RORA: variants seen among roughly 807,000 people sequenced by gnomAD.
RORA encodes the protein nuclear receptor ROR-alpha.
In RORA, 7 loss-of-function variants were observed where a neutral mutation model predicts 69.5. That is an observed-to-expected ratio of 0.10 (90% CI 0.06 to 0.19). The LOEUF is 0.19. Among genes scored for constraint, RORA ranks in the 10% least tolerant of loss-of-function variants. The pLI, the probability that RORA is intolerant of heterozygous loss-of-function variation, is 1.00. For synonymous variants in RORA, 261 were observed against 240.8 expected (o/e 1.08, Z -0.78); for missense variants, 457 against 663.0 (o/e 0.69, Z 3.41).
At chr15:61,164,279 C>T (rs1215383751) in intron 1 of RORA, among the ~76,000 whole-genome samples, 2 of 152,200 alleles carry the variant, frequency 1.3e-5, no homozygotes, top group Non-Finnish European at 2.9e-5. Flanking sequence ...TGTCCAAACC[C>T]ATAAATTACC....
At chr15:60,865,268 T>G (rs1311865721) in intron 1 of RORA, among the ~76,000 whole-genome samples, 1 of 152,194 alleles carries the variant, frequency 6.6e-6, no homozygotes, top group African/African-American at 2.4e-5. Context: ...CACACCTGTT[T>G]CCTCATCTAT....
At chr15:60,742,744 C>T (rs902162783) in intron 1 of RORA, among the ~76,000 whole-genome samples, 5 of 152,154 alleles carry the variant, frequency 3.3e-5, no homozygotes, top group African/African-American at 1.2e-4. Flanking sequence ...TCTTTCTGTG[C>T]CTAGCTCATT....
intron 1 of RORA, among the ~76,000 whole-genome samples, chr15:60,927,491 G>A (rs983318706): frequency 2.0e-5 from 3 of 152,134 alleles, no homozygotes; most frequent in Admixed American, 6.5e-5. Context: ...CCTGAAAACC[G>A]TCTGACTGTG....
chr15:60,668,737 T>G (rs758682192), intron 2 of RORA, among the ~76,000 whole-genome samples: 20 of 152,296 alleles, frequency 1.3e-4, no homozygotes, highest in Middle Eastern at 3.4e-3. Flanking sequence ...GAAAGAGAGA[T>G]AAATTAACTC....
intron 1 of RORA, among the ~76,000 whole-genome samples, chr15:60,873,991 AT>A (rs960376446): frequency 1.3e-5 from 2 of 152,098 alleles, no homozygotes; most frequent in East Asian, 1.9e-4. Flanking sequence ...CAAATAACCT[AT>A]TTTTTTCAAT....
intron 1 of RORA, among the ~76,000 whole-genome samples, chr15:60,754,427 G>T (rs2071768328): frequency 6.6e-6 from 1 of 152,130 alleles, no homozygotes; most frequent in Non-Finnish European, 1.5e-5. Flanking sequence ...GCTAATTCCA[G>T]CTGTACTGTA....
chr15:60,678,591 C>G, intron 2 of RORA, 66 bp downstream of exon 2: 1 of 1,185,702 alleles, frequency 8.4e-7, no homozygotes, highest in South Asian at 1.2e-5. Flanking sequence ...AGGGTCACAG[C>G]AGCCAGACAT....
intron 2 of RORA, among the ~76,000 whole-genome samples, chr15:60,612,027 A>G (rs1160823254): frequency 6.6e-6 from 1 of 152,184 alleles, no homozygotes; most frequent in African/African-American, 2.4e-5. Context: ...CAGGGCTTCT[A>G]TCGGCTCTTT....
rs1274228958 is a variant in RORA, at chr15:61,061,879, A to C, written c.166+167174T>G. Among the ~76,000 whole-genome samples, 2 of 152,166 alleles carry C rather than the reference A, an allele frequency of 1.3e-5. No individual in the cohort carries two copies. Among genetic ancestry groups the C allele is most frequent in the Non-Finnish European group, 2.9e-5 (2 of 68,024 alleles). On this transcript the variant is annotated intron_variant, in intron 1 of 10. Transcript: ENST00000335670. The surrounding 1 kb of genome is among the most constrained non-coding windows in gnomAD (Gnocchi z 4.4). ...GGAGTTCGAGACCAGCCTGGCCAAC[A>C]TGGTGAAACCCCATCTCAACTAAAA... is the stretch of plus-strand genomic sequence containing the variant.
At chr15:60,963,139 G>C (rs1237760500) in intron 1 of RORA, among the ~76,000 whole-genome samples, 6 of 152,202 alleles carry the variant, frequency 3.9e-5, no homozygotes, top group Admixed American at 3.9e-4. Context: ...TTATGAGGCA[G>C]ATATGACTAT....
At chr15:60,861,273 A>T (rs1368308197) in intron 1 of RORA, among the ~76,000 whole-genome samples, 4 of 152,194 alleles carry the variant, frequency 2.6e-5, no homozygotes, top group African/African-American at 9.6e-5. Flanking sequence ...TCAGAAAAAA[A>T]ATGTGCTTAT....
intron 2 of RORA, among the ~76,000 whole-genome samples, chr15:60,536,602 AAAACT>A (rs1264475619): frequency 6.6e-6 from 1 of 152,250 alleles, no homozygotes; most frequent in Non-Finnish European, 1.5e-5. Flanking sequence ...GGTTCACATA[AAAACT>A]AAACTAATAT....
intron 2 of RORA, among the ~76,000 whole-genome samples, chr15:60,556,084 G>T (rs1273032308): frequency 2.0e-5 from 3 of 152,088 alleles, no homozygotes; most frequent in Non-Finnish European, 4.4e-5. Flanking sequence ...AAGAGCAATA[G>T]TCCCTCTACT....
At chr15:60,845,263 T>A (rs916549256) in intron 1 of RORA, among the ~76,000 whole-genome samples, 50 of 152,218 alleles carry the variant, frequency 3.3e-4, no homozygotes, top group African/African-American at 1.2e-3. Flanking sequence ...CATTGATTTA[T>A]CGGTGTGTGT....
At chr15:60,514,233 C>A (rs756752545) in intron 4 of RORA, among the ~76,000 whole-genome samples, 1 of 152,180 alleles carries the variant, frequency 6.6e-6, no homozygotes, top group South Asian at 2.1e-4. Context: ...AAGCAAGTAA[C>A]AGTTGTGGTT....
At chr15:60,790,039 T>C (rs2072393204) in intron 1 of RORA, among the ~76,000 whole-genome samples, 1 of 152,192 alleles carries the variant, frequency 6.6e-6, no homozygotes, top group Admixed American at 6.5e-5. Context: ...CCTTCCTCCA[T>C]CTGAGAACCT....
chr15:60,825,591 T>G (rs2072945310), intron 1 of RORA, among the ~76,000 whole-genome samples: 1 of 152,138 alleles, frequency 6.6e-6, no homozygotes, highest in Non-Finnish European at 1.5e-5. Flanking sequence ...CAGCACCAAG[T>G]AGGCCTGCTT....
rs1408659377 is a variant in RORA at position 60,496,269 on chromosome 15, C to A, written c.*1186G>T. ...TCCTCACATGGGGAGTGTGCATTTGCTCAGGATATAATCTTTGGGTCCTTC... is the reference window on the plus strand; with the variant it reads ...TCCTCACATGGGGAGTGTGCATTTGATCAGGATATAATCTTTGGGTCCTTC... On this transcript the variant is annotated 3_prime_UTR_variant, in exon 11 of 11. Transcript: ENST00000335670. The surrounding 1 kb of genome is among the most constrained non-coding windows in gnomAD (Gnocchi z 4.5). 6.6e-6 allele frequency: 1 copy of A among 152,070 alleles called. No homozygotes were observed. Among genetic ancestry groups the A allele is most frequent in the African/African-American group, 2.4e-5 (1 of 41,390 alleles). The allele number at this position is 152,070 out of a possible 1,614,324, so 9.4% of individuals were successfully genotyped here. A position where few individuals can be genotyped will look rare whatever the true frequency, so the allele number is the denominator to read the frequency against.
chr15:61,111,750 C>T (rs1035715592), intron 1 of RORA, among the ~76,000 whole-genome samples: 1 of 152,140 alleles, frequency 6.6e-6, no homozygotes, highest in Non-Finnish European at 1.5e-5. Flanking sequence ...AAGAATTGGT[C>T]TTAATATGCA....
Sources: allele counts gnomAD v4.1 joint callset (sites outside exome capture counted in the v4.1 genomes callset), GRCh38; gene constraint gnomAD v4.1.1; non-coding constraint Gnocchi (gnomAD v3.1); transcripts MANE v1.5; gene names NCBI Gene and HGNC (gene_info 2026-07-23, HGNC 2026-07-21).